FHIT: variants seen among roughly 807,000 people sequenced by gnomAD.
The protein encoded by FHIT is fragile histidine triad diadenosine triphosphatase, also known as bis(5'-adenosyl)-triphosphatase.
In FHIT, 19 loss-of-function variants were observed where a neutral mutation model predicts 17.9. That is an observed-to-expected ratio of 1.06 (90% CI 0.74 to 1.56). The LOEUF is 1.56. FHIT is among the 40% of genes most tolerant of loss of function. The pLI is 0.00. For synonymous variants in FHIT, 81 were observed against 69.7 expected (o/e 1.16, Z -0.81); for missense variants, 248 against 189.2 (o/e 1.31, Z -1.82).
intron 5 of FHIT, among the ~76,000 whole-genome samples, chr3:60,388,164 A>C (rs1701083957): frequency 6.6e-6 from 1 of 152,162 alleles, no homozygotes; most frequent in Admixed American, 6.5e-5. Context: ...CTTTTACAGC[A>C]CACAAATGGA....
chr3:61,071,177 G>A (rs556224862), intron 2 of FHIT, among the ~76,000 whole-genome samples: 1 of 152,098 alleles, frequency 6.6e-6, no homozygotes, highest in Non-Finnish European at 1.5e-5. Flanking sequence ...TAATTTATCT[G>A]TGGAATGCAG....
At chr3:60,340,131 A>G (rs972939753) in intron 5 of FHIT, among the ~76,000 whole-genome samples, 1 of 152,160 alleles carries the variant, frequency 6.6e-6, no homozygotes, top group African/African-American at 2.4e-5. Context: ...AATTAAGGCA[A>G]TAAAGGACTT....
intron 3 of FHIT, among the ~76,000 whole-genome samples, chr3:61,004,115 A>G (rs752657904): frequency 1.3e-5 from 2 of 152,220 alleles, no homozygotes; most frequent in Non-Finnish European, 2.9e-5. Flanking sequence ...AAAATCTAGT[A>G]TCGGAGCCAC....
At chr3:60,531,502 T>C (rs1240832941) in intron 5 of FHIT, among the ~76,000 whole-genome samples, 1 of 151,948 alleles carries the variant, frequency 6.6e-6, no homozygotes, top group Admixed American at 6.6e-5. Flanking sequence ...ATGGTCTCGA[T>C]CTCCTGACCT....
intron 2 of FHIT, among the ~76,000 whole-genome samples, chr3:61,198,336 G>GAATC (rs1560063213): frequency 6.6e-6 from 1 of 152,110 alleles, no homozygotes; most frequent in African/African-American, 2.4e-5. Context: ...GGACAAGGGA[G>GAATC]AATCCTTTAG....
intron 1 of FHIT, among the ~76,000 whole-genome samples, chr3:61,217,002 G>C (rs997451824): frequency 8.6e-5 from 13 of 150,404 alleles, no homozygotes; most frequent in African/African-American, 3.2e-4. Flanking sequence ...TGTGGGGTAG[G>C]GGGAGGGGGG....
intron 8 of FHIT, among the ~76,000 whole-genome samples, chr3:59,782,808 T>TG (rs1411322829): frequency 6.6e-6 from 1 of 151,882 alleles, no homozygotes; most frequent in Non-Finnish European, 1.5e-5. Context: ...TCTGGCATTT[T>TG]TTTTTCCCCC....
chr3:60,568,065 T>C (rs1220672355), intron 4 of FHIT, among the ~76,000 whole-genome samples: 1 of 152,194 alleles, frequency 6.6e-6, no homozygotes, highest in African/African-American at 2.4e-5. Flanking sequence ...CTCAGGGATC[T>C]TGAACTAGAA....
At chr3:60,722,590 C>A (rs1275239216) in intron 4 of FHIT, among the ~76,000 whole-genome samples, 2 of 152,056 alleles carry the variant, frequency 1.3e-5, no homozygotes, top group African/African-American at 4.8e-5. Context: ...CTAGTCTCCA[C>A]CTTGTAGATG....
intron 4 of FHIT, among the ~76,000 whole-genome samples, chr3:60,589,471 C>T (rs920583602): frequency 6.6e-6 from 1 of 152,088 alleles, no homozygotes; most frequent in Non-Finnish European, 1.5e-5. Context: ...TTACATCGTT[C>T]TTTTGAACAT....
intron 2 of FHIT, among the ~76,000 whole-genome samples, chr3:61,100,244 T>C (rs554998413): frequency 5.9e-5 from 9 of 152,268 alleles, no homozygotes. Flanking sequence ...CAGTGTGTGA[T>C]GTTCCCTGCC....
chr3:61,098,094 A>G (rs1019036386), intron 2 of FHIT, among the ~76,000 whole-genome samples: 17 of 152,150 alleles, frequency 1.1e-4, no homozygotes, highest in Non-Finnish European at 2.9e-5. Flanking sequence ...TTTACATTTA[A>G]GTCTTTAAGC....
In FHIT at chr3:61,102,303, C is replaced by T. The variant is rs145749445; in HGVS notation, c.-163-60204G>A. 9.0e-3 allele frequency among the ~76,000 whole-genome samples: 1,363 copies of T among 152,138 alleles called. 19 individuals carry two copies. Among genetic ancestry groups the T allele is most frequent in the African/African-American group, 0.031 (1,289 of 41,526 alleles). On this transcript the variant is annotated intron_variant, in intron 2 of 9. Coordinates refer to ENST00000492590, the MANE Select transcript of FHIT (RefSeq NM_002012.4). ...TTGTCAAAGACCTTTTCTGCATCTA[C>T]TGAGATAATCATGTGGTTTTTGTCT...
chr3:61,036,261 A>T (rs2033233174), intron 3 of FHIT, among the ~76,000 whole-genome samples: 1 of 152,046 alleles, frequency 6.6e-6, no homozygotes, highest in Non-Finnish European at 1.5e-5. Flanking sequence ...AAACTCACTC[A>T]CTATTGTGGG....
chr3:60,845,509 T>C (rs1702895914), intron 3 of FHIT, among the ~76,000 whole-genome samples: 1 of 152,132 alleles, frequency 6.6e-6, no homozygotes, highest in Non-Finnish European at 1.5e-5. Flanking sequence ...CCATGTGTAA[T>C]GCATAAAATA....
At chr3:60,777,225 T>C (rs1354823925) in intron 4 of FHIT, among the ~76,000 whole-genome samples, 1 of 152,190 alleles carries the variant, frequency 6.6e-6, no homozygotes, top group African/African-American at 2.4e-5. Flanking sequence ...CCTCAGAAGG[T>C]CCTGAGAACA....
At position 60,552,421 on chromosome 3, in the gene FHIT, G is replaced by A. The variant is rs182126740; in HGVS notation, c.-17-15442C>T. ...TGCCAAGCTGTTTTCCTTAGTGGCT[G>A]TACCATTTTACATTACCACCACCAA... On this transcript the variant is annotated intron_variant, in intron 4 of 9. Coordinates refer to ENST00000492590, the MANE Select transcript of FHIT (RefSeq NM_002012.4). 2.6e-5 allele frequency among the ~76,000 whole-genome samples: 4 copies of A among 152,274 alleles called. No homozygotes were observed. In the East Asian group the frequency reaches 7.7e-4, roughly 29 times the overall value.
intron 2 of FHIT, among the ~76,000 whole-genome samples, chr3:61,148,446 G>A (rs1474851568): frequency 1.3e-5 from 2 of 152,070 alleles, no homozygotes. Flanking sequence ...TACACAAATG[G>A]AAGCATACAG....
intron 3 of FHIT, among the ~76,000 whole-genome samples, chr3:61,038,434 T>C (rs1164720419): frequency 1.3e-5 from 2 of 152,218 alleles, no homozygotes; most frequent in Non-Finnish European, 2.9e-5. Context: ...GGAGGCAGGA[T>C]TTCTCTAGGT....
Sources: gnomAD v4.1 joint callset for allele counts (sites outside exome capture counted in the v4.1 genomes callset) on GRCh38, gnomAD v4.1.1 for gene constraint, MANE v1.5 for transcripts, NCBI Gene and HGNC (gene_info 2026-07-23, HGNC 2026-07-21) for gene names.